The following ANTXR1 variants were observed in gnomAD, a reference collection of about 807,000 sequenced individuals.
ANTXR1 encodes the protein anthrax toxin receptor 1.
Under a neutral mutation model 78.1 loss-of-function variants are expected in ANTXR1, and 19 were observed. That is an observed-to-expected ratio of 0.24 (90% CI 0.17 to 0.36). The LOEUF (loss-of-function observed/expected upper bound fraction) is 0.36, where lower values mean the gene tolerates loss of function less well. ANTXR1 is among the 10% of genes least tolerant of loss of function. The pLI, the probability that ANTXR1 is intolerant of heterozygous loss-of-function variation, is 1.00. For synonymous variants in ANTXR1, 273 were observed against 260.5 expected (o/e 1.05, Z -0.46); for missense variants, 518 against 718.6 (o/e 0.72, Z 3.19).
chr2:69,126,312 G>A (rs1195246181), intron 12 of ANTXR1, among the ~76,000 whole-genome samples: 1 of 152,190 alleles, frequency 6.6e-6, no homozygotes, highest in Non-Finnish European at 1.5e-5. Context: ...AACTAGGATT[G>A]TGTCAGAGAA....
At chr2:69,203,272 T>C (rs1477351033) in intron 17 of ANTXR1, among the ~76,000 whole-genome samples, 1 of 152,210 alleles carries the variant, frequency 6.6e-6, no homozygotes, top group African/African-American at 2.4e-5. Context: ...CTAGAGGGTG[T>C]GATTTATTCT....
At chr2:69,148,846 C>T (rs990320245) in intron 12 of ANTXR1, among the ~76,000 whole-genome samples, 1 of 152,202 alleles carries the variant, frequency 6.6e-6, no homozygotes, top group African/African-American at 2.4e-5. Context: ...ATTGTTTATA[C>T]GAATGCCCAA....
intron 17 of ANTXR1, among the ~76,000 whole-genome samples, chr2:69,196,864 C>G (rs79428587): frequency 6.6e-6 from 1 of 152,196 alleles, no homozygotes; most frequent in Non-Finnish European, 1.5e-5. Flanking sequence ...TCTCCTTCAT[C>G]CTCCCCCCAG....
chr2:69,072,168 G>A (rs1028173622), intron 5 of ANTXR1, among the ~76,000 whole-genome samples: 2 of 152,106 alleles, frequency 1.3e-5, no homozygotes, highest in African/African-American at 4.8e-5. Flanking sequence ...CTTCATTACT[G>A]TGACTGAACA....
chr2:69,035,118 C>G (rs527456040), intron 1 of ANTXR1, among the ~76,000 whole-genome samples: 1 of 151,996 alleles, frequency 6.6e-6, no homozygotes, highest in Admixed American at 6.6e-5. Context: ...TAAACTGAGT[C>G]ATAGACCCAG....
intron 12 of ANTXR1, chr2:69,146,278 C>G: frequency 1.0e-6 from 1 of 985,374 alleles, no homozygotes; most frequent in South Asian, 4.7e-5. Context: ...AGAAGTGCTT[C>G]CAGCTCCAGT....
At chr2:69,096,001 G>C (rs1037522214) in intron 9 of ANTXR1, among the ~76,000 whole-genome samples, 2 of 152,062 alleles carry the variant, frequency 1.3e-5, no homozygotes, top group African/African-American at 4.8e-5. Flanking sequence ...GCTCACGCCT[G>C]TAATCCCAGC....
At chr2:69,018,244 C>T (rs535244623) in intron 1 of ANTXR1, among the ~76,000 whole-genome samples, 6 of 152,276 alleles carry the variant, frequency 3.9e-5, no homozygotes, top group African/African-American at 7.2e-5. Flanking sequence ...GTAAGACCTC[C>T]GACTCCCCCT....
chr2:69,164,547 A>G (rs1396839223), intron 13 of ANTXR1, among the ~76,000 whole-genome samples: 5 of 152,202 alleles, frequency 3.3e-5, no homozygotes, highest in Admixed American at 6.5e-5. Flanking sequence ...AAGAGCTTAC[A>G]GTCCAGTGCG....
chr2:69,193,459 T>TCTCTCTCTCA, intron 17 of ANTXR1, 44 bp downstream of exon 17: 5 of 1,044,078 alleles, frequency 4.8e-6, no homozygotes, highest in African/African-American at 1.9e-5. Flanking sequence ...TCTCTCTCTC[T>TCTCTCTCTCA]CACATACACA....
At chr2:69,085,707 T>TAAA (rs66899450) in intron 8 of ANTXR1, among the ~76,000 whole-genome samples, 1 of 149,756 alleles carries the variant, frequency 6.7e-6, no homozygotes, top group Admixed American at 6.7e-5. Flanking sequence ...GACCAAACAA[T>TAAA]AAAAAAAAAA....
At chr2:69,149,006 C>G (rs577009933) in intron 12 of ANTXR1, among the ~76,000 whole-genome samples, 28 of 152,228 alleles carry the variant, frequency 1.8e-4, no homozygotes, top group Non-Finnish European at 3.2e-4. Context: ...TACACGTTAT[C>G]TCCTTCTAAA....
At chr2:69,069,824 C>T (rs1303892238) in intron 3 of ANTXR1, among the ~76,000 whole-genome samples, 1 of 152,170 alleles carries the variant, frequency 6.6e-6, no homozygotes, top group Non-Finnish European at 1.5e-5. Flanking sequence ...CATCTCCACC[C>T]TGTACCACTA....
At chr2:69,072,116 T>C (rs1008882994) in intron 5 of ANTXR1, among the ~76,000 whole-genome samples, 4 of 152,140 alleles carry the variant, frequency 2.6e-5, no homozygotes, top group South Asian at 2.1e-4. Flanking sequence ...TGGATTTTTA[T>C]GTAAAATTTA....
chr2:69,065,416 C>A (rs1670368397), intron 3 of ANTXR1, among the ~76,000 whole-genome samples: 1 of 115,510 alleles, frequency 8.7e-6, no homozygotes, highest in African/African-American at 4.8e-5. Context: ...CAAAGCAAGA[C>A]TCCGTCTCAA....
intron 1 of ANTXR1, among the ~76,000 whole-genome samples, chr2:69,032,067 G>A (rs922515925): frequency 6.6e-6 from 1 of 152,078 alleles, no homozygotes; most frequent in South Asian, 2.1e-4. Flanking sequence ...AAAAGTAGAA[G>A]CAACTCAATG....
At chr2:69,170,133 G>C in intron 13 of ANTXR1, 115 bp from the exon 14 acceptor site, 1 of 1,127,082 alleles carries the variant, frequency 8.9e-7, no homozygotes, top group East Asian at 2.5e-5. Flanking sequence ...CGACTTGCTG[G>C]GGCCATTGCC....
At chr2:69,032,553 T>C (rs1421981715) in intron 1 of ANTXR1, among the ~76,000 whole-genome samples, 1 of 152,166 alleles carries the variant, frequency 6.6e-6, no homozygotes, top group Non-Finnish European at 1.5e-5. Flanking sequence ...GGATGCAAAG[T>C]GGCTACTGTG....
chr2:69,097,216 A>G (rs1261060644), intron 9 of ANTXR1, among the ~76,000 whole-genome samples: 1 of 152,204 alleles, frequency 6.6e-6, no homozygotes, highest in Admixed American at 6.5e-5. Context: ...ACAATGTGCT[A>G]TGTAAGCAAG....
Sources: gnomAD v4.1 joint callset for allele counts (sites outside exome capture counted in the v4.1 genomes callset) on GRCh38, gnomAD v4.1.1 for gene constraint, MANE v1.5 for transcripts, NCBI Gene and HGNC (gene_info 2026-07-23, HGNC 2026-07-21) for gene names.